The following PPP1R2 variants were observed in gnomAD, a reference collection of about 807,000 sequenced individuals.
The protein encoded by PPP1R2 is protein phosphatase 1 regulatory inhibitor subunit 2, also known as protein phosphatase inhibitor 2.
PPP1R2 carries 16 observed loss-of-function variants against 29.9 expected under a neutral mutation model. The observed-to-expected ratio is 0.53, with a 90% confidence interval of 0.36 to 0.81. The LOEUF (loss-of-function observed/expected upper bound fraction) is 0.81, where lower values mean the gene tolerates loss of function less well. Ranked by LOEUF, PPP1R2 falls within the 30% of genes least tolerant of loss-of-function variation. The pLI is 0.00. For synonymous variants in PPP1R2, 76 were observed against 91.5 expected, an observed-to-expected ratio of 0.83 and a Z score of 0.96; for missense variants, 197 against 252.7, an observed-to-expected ratio of 0.78 and a Z score of 1.49.
rs1718511007 is a variant in PPP1R2 at position 195,515,467 on chromosome 3, T to G, written c.*1429A>C. The G allele has an allele frequency of 1.3e-5, 2 of 152,618 alleles. No homozygotes were observed. Among genetic ancestry groups the G allele is most frequent in the Admixed American group, 1.3e-4 (2 of 15,278 alleles). The allele number at this position is 152,618 out of a possible 1,614,324, so 9.5% of individuals were successfully genotyped here. On this transcript the variant is annotated 3_prime_UTR_variant, in exon 6 of 6. Coordinates refer to ENST00000618156, the MANE Select transcript of PPP1R2 (RefSeq NM_006241.8). ...TTAGAAGTCTGTTCATATAACAGATTATTTTGGTACTAACAAAAGTTGTAC... is the reference window on the plus strand; with the variant it reads ...TTAGAAGTCTGTTCATATAACAGATGATTTTGGTACTAACAAAAGTTGTAC...
intron 1 of PPP1R2, among the ~76,000 whole-genome samples, chr3:195,533,377 A>G (rs954666541): frequency 1.4e-4 from 21 of 150,972 alleles, no homozygotes; most frequent in African/African-American, 4.6e-4. Flanking sequence ...CTATGATGCT[A>G]GTTGTTTCAG....
intron 4 of PPP1R2, among the ~76,000 whole-genome samples, chr3:195,520,060 G>T (rs752398990): frequency 4.6e-5 from 7 of 151,818 alleles, no homozygotes; most frequent in Non-Finnish European, 1.0e-4. Context: ...GCCCAGGCTG[G>T]AGTGCAATGT....
At chr3:195,519,890 G>A (rs530758232) in intron 4 of PPP1R2, among the ~76,000 whole-genome samples, 3 of 146,584 alleles carry the variant, frequency 2.0e-5, no homozygotes, top group African/African-American at 5.1e-5. Flanking sequence ...TAATTTTAAG[G>A]TTTTTAACTT....
chr3:195,532,791 A>T (rs190032700), intron 1 of PPP1R2, among the ~76,000 whole-genome samples: 17 of 152,306 alleles, frequency 1.1e-4, no homozygotes, highest in Admixed American at 9.2e-4. Context: ...AGAAATATTT[A>T]AAAAAACCTT....
In PPP1R2 at chr3:195,527,942, T is replaced by C. The variant is rs116588303; in HGVS notation, c.230+1852A>G. 2,029 of 345,072 alleles carry C rather than the reference T, an allele frequency of 5.9e-3. 33 individuals are homozygous for C. Among genetic ancestry groups the C allele is most frequent in the African/African-American group, 0.039 (1,787 of 45,538 alleles). The allele number at this position is 345,072 out of a possible 1,614,324, so 21.4% of individuals were successfully genotyped here. A position where few individuals can be genotyped will look rare whatever the true frequency, so the allele number is the denominator to read the frequency against. On this transcript the variant is annotated intron_variant, in intron 2 of 5. Coordinates refer to ENST00000618156, the MANE Select transcript of PPP1R2 (RefSeq NM_006241.8). ...AAAAATAAGAATATAAACCTCTTTT[T>C]AGCATGCGTATTTTTTTTTAACTAA... is the stretch of plus-strand genomic sequence containing the variant.
chr3:195,538,130 A>T (rs947373705), intron 1 of PPP1R2, among the ~76,000 whole-genome samples: 1 of 152,188 alleles, frequency 6.6e-6, no homozygotes, highest in African/African-American at 2.4e-5. Flanking sequence ...ATGATGGTGA[A>T]AGCACCTGCT....
intron 2 of PPP1R2, among the ~76,000 whole-genome samples, chr3:195,528,320 T>TTA (rs1719051205): frequency 6.6e-6 from 1 of 152,312 alleles, no homozygotes; most frequent in South Asian, 2.1e-4. Context: ...TTGTTCCTTT[T>TTA]TATATATATT....
At chr3:195,532,896 A>T (rs1719241280) in intron 1 of PPP1R2, among the ~76,000 whole-genome samples, 1 of 152,246 alleles carries the variant, frequency 6.6e-6, no homozygotes. Flanking sequence ...TTAAAATGTA[A>T]CGTTAAAATT....
chr3:195,540,435 T>C (rs529942927), intron 1 of PPP1R2, among the ~76,000 whole-genome samples: 17 of 152,352 alleles, frequency 1.1e-4, no homozygotes, highest in Middle Eastern at 3.4e-3. Context: ...TGTATATTTA[T>C]TGTTTCTGTT....
chr3:195,525,844 ATAGTT>A (rs1478664127), intron 2 of PPP1R2, among the ~76,000 whole-genome samples: 3 of 152,194 alleles, frequency 2.0e-5, no homozygotes, highest in Non-Finnish European at 4.4e-5. Flanking sequence ...AAGTAAGTCT[ATAGTT>A]TAGATGACGT....
chr3:195,523,760 G>A lies in PPP1R2; in HGVS notation c.335C>T (p.Pro112Leu), dbSNP rs1342269778. The A allele has an allele frequency of 6.2e-7, 1 of 1,613,968 alleles. No individual in the cohort carries two copies. The highest frequency in any genetic ancestry group is 8.5e-7 in the Non-Finnish European group (1 of 1,179,998). The change falls in exon 4 of 6, where the codon CCA (proline) becomes CTA (leucine). Residue 112 changes from proline (P) to leucine (L), a missense_variant. Physicochemically the swap from Pro to Leu is moderately conservative, Grantham distance 98. Around this residue, in one of 3 missense-constraint regions of PPP1R2, gnomAD observed 135 missense variants for 163.0 expected, o/e 0.83. Coordinates refer to ENST00000618156, the MANE Select transcript of PPP1R2 (RefSeq NM_006241.8). ...RKLAAAEGLE[P>L]KYRIQEQESS... ...TTCTTGTTCCTGAATCCGATACTTT[G>A]GCTCCAAGCCTTCAGCTGCAGCTAA... is the stretch of plus-strand genomic sequence containing the variant.
At chr3:195,528,378 C>G (rs1361801580) in intron 2 of PPP1R2, among the ~76,000 whole-genome samples, 1 of 152,156 alleles carries the variant, frequency 6.6e-6, no homozygotes, top group East Asian at 1.9e-4. Context: ...TTTCTTCACT[C>G]AAATTTCATC....
At chr3:195,518,544 G>A (rs1464177135) in intron 5 of PPP1R2, among the ~76,000 whole-genome samples, 4 of 151,888 alleles carry the variant, frequency 2.6e-5, no homozygotes, top group African/African-American at 4.8e-5. Context: ...CCAGCTACTC[G>A]GGAGGCTGAG....
At position 195,516,478 on chromosome 3, in the gene PPP1R2, T is replaced by A. The variant is rs970556573; in HGVS notation, c.*418A>T. On this transcript the variant is annotated 3_prime_UTR_variant, in exon 6 of 6. Coordinates refer to ENST00000618156, the MANE Select transcript of PPP1R2 (RefSeq NM_006241.8). ...AATATTTATCAGTCTATATATCCTG[T>A]TGTTCAATTGGCTTTTGATTTTTAA... 6.1e-6 allele frequency: 1 copy of A among 163,832 alleles called. No individual in the cohort carries two copies. The highest frequency in any genetic ancestry group is 5.9e-5 in the Admixed American group (1 of 16,828). The allele number at this position is 163,832 out of a possible 1,614,324, so 10.1% of individuals were successfully genotyped here. A position where few individuals can be genotyped will look rare whatever the true frequency, so the allele number is the denominator to read the frequency against.
chr3:195,524,962 G>A, intron 2 of PPP1R2, 66 bp from the exon 3 acceptor site: 1 of 1,356,496 alleles, frequency 7.4e-7, no homozygotes, highest in Admixed American at 1.7e-5. Context: ...AAACAAGGGA[G>A]AAAAACAATT....
At position 195,516,682 on chromosome 3, in the gene PPP1R2, T is replaced by C; in HGVS notation, c.*214A>G. Reference sequence around the variant, plus strand: ...GTTTTGGACTGATGATATTACACTGTATTTGTGGTAAAGTACTAGGCACAA... The same window carrying C: ...GTTTTGGACTGATGATATTACACTGCATTTGTGGTAAAGTACTAGGCACAA... On this transcript the variant is annotated 3_prime_UTR_variant, in exon 6 of 6. Coordinates refer to ENST00000618156, the MANE Select transcript of PPP1R2 (RefSeq NM_006241.8). 5.8e-6 allele frequency: 3 copies of C among 516,246 alleles called. No homozygotes were observed. The highest frequency in any genetic ancestry group is 3.3e-5 in the Admixed American group (1 of 30,458). 32.0% of individuals were successfully genotyped at this position (516,246 alleles called of 1,614,324 possible).
intron 4 of PPP1R2, among the ~76,000 whole-genome samples, chr3:195,521,720 G>A (rs375117489): frequency 3.9e-5 from 6 of 152,048 alleles, no homozygotes; most frequent in East Asian, 3.9e-4. Flanking sequence ...GCATGATACC[G>A]GCTCACTGCA....
chr3:195,517,256 C>A (rs1003544368), intron 5 of PPP1R2, among the ~76,000 whole-genome samples: 1 of 152,006 alleles, frequency 6.6e-6, no homozygotes, highest in South Asian at 2.1e-4. Flanking sequence ...ATATTTATTA[C>A]CTGAAAGCTA....
Position 195,519,158 on chromosome 3 carries a change from C to T in PPP1R2, c.431G>A (p.Arg144Lys). ...GAGTCCTTCATTGTAGTGAAGCTTC[C>T]TTTTCATTTCAAATTGTCGCTTTTT... ...REKKRQFEMK[R>K]KLHYNEGLNI... Residue 144 changes from arginine (R) to lysine (K), a missense_variant, in exon 5 of 6, where the codon AGG becomes AAG. Coordinates refer to ENST00000618156, the MANE Select transcript of PPP1R2 (RefSeq NM_006241.8). 1.3e-6 allele frequency: 2 copies of T among 1,595,148 alleles called. No individual in the cohort carries two copies. Among genetic ancestry groups the T allele is most frequent in the Non-Finnish European group, 1.7e-6 (2 of 1,175,408 alleles).
Sources: gnomAD v4.1 joint callset for allele counts (sites outside exome capture counted in the v4.1 genomes callset) on GRCh38, gnomAD v4.1.1 for gene constraint, gnomAD v4.1.1 regional missense constraint, MANE v1.5 for transcripts, NCBI Gene and HGNC (gene_info 2026-07-23, HGNC 2026-07-21) for gene names.